The following CSMD3 variants were observed in gnomAD, a reference collection of about 807,000 sequenced individuals.
CSMD3 encodes CUB and Sushi multiple domains 3.
Under a neutral mutation model 435.2 loss-of-function variants are expected in CSMD3, and 177 were observed. The observed-to-expected ratio is 0.41, with a 90% CI of 0.36 to 0.46. The LOEUF (loss-of-function observed/expected upper bound fraction) is 0.46, where lower values mean the gene tolerates loss of function less well. CSMD3 is among the 20% of genes least tolerant of loss of function. The pLI, the probability that CSMD3 is intolerant of heterozygous loss-of-function variation, is 0.34. For synonymous variants in CSMD3, 1,656 were observed against 1,520.5 expected (o/e 1.09, Z -2.07); for missense variants, 4,265 against 4,504.6 (o/e 0.95, Z 1.52).
chr8:112,488,516 A>G (rs1267132552), intron 31 of CSMD3, among the ~76,000 whole-genome samples: 3 of 152,206 alleles, frequency 2.0e-5, no homozygotes, highest in Non-Finnish European at 4.4e-5. Context: ...TTTCACTCCT[A>G]GGAATCACAG....
intron 34 of CSMD3, among the ~76,000 whole-genome samples, chr8:112,407,355 A>T (rs1831948593): frequency 1.3e-5 from 2 of 152,044 alleles, no homozygotes; most frequent in South Asian, 4.1e-4. Context: ...TTTTATAGGT[A>T]TGCCCTTTAA....
chr8:113,378,762 A>AGAGTGTGTGT (rs2094401509), intron 1 of CSMD3, among the ~76,000 whole-genome samples: 1 of 148,166 alleles, frequency 6.7e-6, no homozygotes, highest in Non-Finnish European at 1.5e-5. Flanking sequence ...GTCACACTGA[A>AGAGTGTGTGT]GTGTGTGTGT....
Position 112,887,252 on chromosome 8 carries a change from A to G in CSMD3, c.1634-27986T>C, listed in dbSNP as rs559338215. Among the ~76,000 whole-genome samples the G allele has an allele frequency of 2.0e-5, 3 of 149,204 alleles. No homozygotes were observed. In the South Asian group the frequency reaches 6.3e-4, roughly 32 times the overall value. ...GAATGTAACTGGGATTAGAGAAGTT[A>G]AATAACTCACCCATGCTCATTTGAA... On this transcript the variant is annotated intron_variant, in intron 10 of 70. Coordinates refer to ENST00000297405, the MANE Select transcript of CSMD3 (RefSeq NM_198123.2).
At chr8:113,015,070 T>G (rs2086403006) in intron 6 of CSMD3, among the ~76,000 whole-genome samples, 1 of 152,110 alleles carries the variant, frequency 6.6e-6, no homozygotes, top group South Asian at 2.1e-4. Context: ...CTTTGTTCAG[T>G]AACTGTACAC....
At chr8:112,852,778 T>C (rs2080530064) in intron 11 of CSMD3, among the ~76,000 whole-genome samples, 1 of 151,756 alleles carries the variant, frequency 6.6e-6, no homozygotes, top group Admixed American at 6.6e-5. Context: ...AAAAATTAGC[T>C]GGGCATGGTG....
At chr8:112,999,806 T>A (rs2131063501) in intron 6 of CSMD3, among the ~76,000 whole-genome samples, 1 of 151,790 alleles carries the variant, frequency 6.6e-6, no homozygotes, top group South Asian at 2.1e-4. Flanking sequence ...ATTTTAAACA[T>A]TTGTCCTGAA....
intron 35 of CSMD3, among the ~76,000 whole-genome samples, chr8:112,393,606 T>C (rs530838520): frequency 6.6e-6 from 1 of 152,326 alleles, no homozygotes; most frequent in South Asian, 2.1e-4. Context: ...ATTATAAATT[T>C]TCTTCCATGC....
chr8:113,185,757 G>C (rs565224895), intron 3 of CSMD3, among the ~76,000 whole-genome samples: 3 of 152,058 alleles, frequency 2.0e-5, no homozygotes, highest in African/African-American at 7.2e-5. Flanking sequence ...GCGTGTGTGT[G>C]TGCATGTGCA....
intron 10 of CSMD3, among the ~76,000 whole-genome samples, chr8:112,921,123 T>C (rs2082732303): frequency 1.3e-5 from 2 of 151,552 alleles, no homozygotes; most frequent in Non-Finnish European, 2.9e-5. Flanking sequence ...ATATAAGATA[T>C]ATATTTATAT....
chr8:112,499,510 A>G (rs956122951), intron 30 of CSMD3, among the ~76,000 whole-genome samples: 1 of 152,138 alleles, frequency 6.6e-6, no homozygotes, highest in African/African-American at 2.4e-5. Context: ...CTCCTAGTAC[A>G]CAAGGAACAT....
In CSMD3 at chr8:112,645,235, A is replaced by C; in HGVS notation, c.3194-10T>G. ...TCTCCTCCACATAATGCTGAAATAC[A>C]AAGAAACAGATCCATGTGATCAGCA... On this transcript the variant is annotated splice_polypyrimidine_tract_variant and intron_variant, in intron 19 of 70. Transcript: ENST00000297405. 5 of 1,338,864 alleles carry C rather than the reference A, an allele frequency of 3.7e-6. No individual in the cohort carries two copies. The highest frequency in any genetic ancestry group is 5.4e-6 in the Non-Finnish European group (5 of 928,972). 82.9% of individuals were successfully genotyped at this position (1,338,864 alleles called of 1,614,324 possible).
intron 1 of CSMD3, among the ~76,000 whole-genome samples, chr8:113,337,414 T>C (rs1056998026): frequency 1.3e-5 from 2 of 152,068 alleles, no homozygotes; most frequent in Non-Finnish European, 2.9e-5. Context: ...GTTCAACAAA[T>C]GGAACTGGGA....
intron 4 of CSMD3, among the ~76,000 whole-genome samples, chr8:113,150,864 C>T (rs914253050): frequency 1.3e-5 from 2 of 151,872 alleles, no homozygotes; most frequent in African/African-American, 2.4e-5. Flanking sequence ...ATCGTTCTTT[C>T]GGTTCTATAT....
chr8:113,206,890 ATACT>A (rs1221250548), intron 3 of CSMD3, among the ~76,000 whole-genome samples: 1 of 152,158 alleles, frequency 6.6e-6, no homozygotes, highest in Admixed American at 6.6e-5. Flanking sequence ...ATATTCTTAC[ATACT>A]ATCAAGTTTG....
intron 12 of CSMD3, among the ~76,000 whole-genome samples, chr8:112,808,056 G>A (rs751961869): frequency 9.9e-5 from 15 of 152,010 alleles, no homozygotes; most frequent in Non-Finnish European, 2.2e-4. Flanking sequence ...AAATATTAAA[G>A]AGATGAGCTG....
intron 5 of CSMD3, among the ~76,000 whole-genome samples, chr8:113,028,246 T>C (rs570502658): frequency 6.9e-6 from 1 of 145,598 alleles, no homozygotes; most frequent in African/African-American, 2.4e-5. Context: ...TGTCACAAAC[T>C]GTGCCCATGC....
intron 6 of CSMD3, among the ~76,000 whole-genome samples, chr8:112,989,785 TC>T (rs2085385335): frequency 6.6e-6 from 1 of 151,962 alleles, no homozygotes; most frequent in Non-Finnish European, 1.5e-5. Context: ...CTTTGTAGCT[TC>T]CACCTTGGAT....
At chr8:112,553,767 A>T (rs1827885896) in intron 25 of CSMD3, among the ~76,000 whole-genome samples, 1 of 152,140 alleles carries the variant, frequency 6.6e-6, no homozygotes, top group Non-Finnish European at 1.5e-5. Context: ...AAGTTTTAGC[A>T]TTTGGAAGAG....
intron 3 of CSMD3, among the ~76,000 whole-genome samples, chr8:113,268,938 A>G (rs117798304): frequency 0.013 from 1,922 of 152,214 alleles, 19 homozygotes; most frequent in Non-Finnish European, 0.021. Context: ...CCCTGAATGA[A>G]AGAATAAAAT....
Sources: gnomAD v4.1 joint callset for allele counts (sites outside exome capture counted in the v4.1 genomes callset) on GRCh38, gnomAD v4.1.1 for gene constraint, MANE v1.5 for transcripts, NCBI Gene and HGNC (gene_info 2026-07-23, HGNC 2026-07-21) for gene names.